OGG1: variants seen among roughly 807,000 people sequenced by gnomAD.
OGG1 encodes N-glycosylase/DNA lyase.
OGG1 carries 35 observed loss-of-function variants against 42.3 expected under a neutral mutation model. The observed-to-expected ratio is 0.83, with a 90% confidence interval of 0.63 to 1.10. The LOEUF (loss-of-function observed/expected upper bound fraction) is 1.10, where lower values mean the gene tolerates loss of function less well. Ranked by LOEUF, OGG1 falls within the 50% of genes least tolerant of loss-of-function variation. The probability of loss-of-function intolerance (pLI) is 0.00; values close to 1 mark genes in which losing one functional copy is unlikely to be tolerated. For missense variants in OGG1, 484 were observed against 446.7 expected (o/e 1.08, Z -0.75); for synonymous variants, 189 against 179.0 (o/e 1.06, Z -0.44).
At position 9,786,406 on chromosome 3, in the gene OGG1, G is replaced by A. The variant is rs556205266; in HGVS notation, c.383-1322G>A. 2.6e-5 allele frequency among the ~76,000 whole-genome samples: 4 copies of A among 152,292 alleles called. No homozygotes were observed. The East Asian group carries it at 7.7e-4, about 29-fold the overall frequency. On this transcript the variant is annotated intron_variant, in intron 3 of 3. Transcript: ENST00000426518. Reference sequence around the variant, plus strand: ...AACATGTACCCAGACTGTTCCATGAGATAAACTCTTGTGTTTGAGCCAGAA... The same window carrying A: ...AACATGTACCCAGACTGTTCCATGAAATAAACTCTTGTGTTTGAGCCAGAA...
intron 2 of OGG1, among the ~76,000 whole-genome samples, chr3:9,781,274 G>A (rs894447453): frequency 6.6e-6 from 1 of 151,934 alleles, no homozygotes; most frequent in African/African-American, 2.4e-5. Context: ...GTAAGACCCT[G>A]TCTCTAAAAT....
rs2077570202 is a variant in OGG1 at position 9,756,535 on chromosome 3, T to C, written c.812T>C (p.Met271Thr). The change falls in exon 5 of 7, where the codon ATG becomes ACG. Residue 271 changes from methionine to threonine, a missense_variant. Met to Thr is a moderately conservative substitution (Grantham distance 81). Coordinates refer to ENST00000344629, the MANE Select transcript of OGG1 (RefSeq NM_002542.6). ...CAGGCTGTGCCCGTGGATGTCCATATGTGGCACATTGCCCAACGTGACTAC... is the reference window on the plus strand; with the variant it reads ...CAGGCTGTGCCCGTGGATGTCCATACGTGGCACATTGCCCAACGTGACTAC... ...KPQAVPVDVH[M>T]WHIAQRDYSW... 1 of 1,614,168 alleles carries C rather than the reference T, an allele frequency of 6.2e-7. No individual in the cohort carries two copies. Among genetic ancestry groups the C allele is most frequent in the Non-Finnish European group, 8.5e-7 (1 of 1,180,024 alleles).
downstream of OGG1, among the ~76,000 whole-genome samples, chr3:9,770,756 G>C (rs2078282945): frequency 6.6e-6 from 1 of 151,972 alleles, no homozygotes. Context: ...TTTGCTCAAG[G>C]CCTTCCTTGG....
chr3:9,753,739 C>T (rs186112820), intron 3 of OGG1, among the ~76,000 whole-genome samples: 33 of 152,308 alleles, frequency 2.2e-4, no homozygotes, highest in Admixed American at 1.6e-3. Context: ...TCACCTCTTC[C>T]GGCTTCTCTT....
downstream of OGG1, among the ~76,000 whole-genome samples, chr3:9,768,637 G>C (rs1373590686): frequency 6.6e-6 from 1 of 152,212 alleles, no homozygotes; most frequent in Non-Finnish European, 1.5e-5. Flanking sequence ...GGCCTTGGCT[G>C]GTACTTCCAA....
downstream of OGG1, among the ~76,000 whole-genome samples, chr3:9,791,045 C>T (rs2078718483): frequency 1.3e-5 from 2 of 152,166 alleles, no homozygotes; most frequent in African/African-American, 4.8e-5. Context: ...GAGTGGGGTG[C>T]CAATAAAAGC....
At chr3:9,771,160 T>C (rs1233051788), downstream of OGG1, among the ~76,000 whole-genome samples, 1 of 152,008 alleles carries the variant, frequency 6.6e-6, no homozygotes, top group African/African-American at 2.4e-5. Context: ...CCCATGTAGA[T>C]GGGACTACAG....
intron 3 of OGG1, among the ~76,000 whole-genome samples, chr3:9,754,467 G>C: frequency 6.6e-6 from 1 of 152,222 alleles, no homozygotes; most frequent in East Asian, 1.9e-4. Context: ...CCCTGGACTA[G>C]ACTTGGGCTC....
intron 4 of OGG1, 27 bp downstream of exon 4, chr3:9,754,912 C>A: frequency 6.4e-7 from 1 of 1,553,052 alleles, no homozygotes; most frequent in South Asian, 1.2e-5. Context: ...TAGGAGCTGC[C>A]CTCTCTACTG....
downstream of OGG1, chr3:9,759,314 G>C (rs1440898540): frequency 2.5e-6 from 4 of 1,585,240 alleles, no homozygotes; most frequent in Non-Finnish European, 3.5e-6. Flanking sequence ...GAATAGAGAA[G>C]GTGTTGGGAG....
rs1381983045 is a variant in OGG1, at chr3:9,757,288, A to G, written c.*138A>G. 2 of 1,614,180 alleles carry G rather than the reference A, an allele frequency of 1.2e-6. No individual in the cohort carries two copies. The highest frequency in any genetic ancestry group is 1.7e-6 in the Non-Finnish European group (2 of 1,180,028). On this transcript the variant is annotated 3_prime_UTR_variant, in exon 7 of 7. Transcript: ENST00000344629. The surrounding 1 kb of genome is among the most constrained non-coding windows in gnomAD (Gnocchi z 4.5). ...TCAAAGGCCAGGCACCCCCAAATCA[A>G]GCAGTCAGTTTGCACAACAAGATGG...
downstream of OGG1, chr3:9,760,472 G>T: frequency 1.7e-6 from 1 of 574,636 alleles, no homozygotes; most frequent in Non-Finnish European, 3.1e-6. Flanking sequence ...CTCACTCTGG[G>T]AGCCAAGCAG....
downstream of OGG1, chr3:9,761,601 A>G (rs2077876243): frequency 1.2e-6 from 2 of 1,613,656 alleles, no homozygotes; most frequent in African/African-American, 2.7e-5. Flanking sequence ...TCCCCCCACC[A>G]TCACAGCCCC....
At chr3:9,787,792 A>G in exon 4 of OGG1, 1 of 1,068,368 alleles carries the variant, frequency 9.4e-7, no homozygotes, top group South Asian at 1.3e-5. Context: ...TGGCAGCACA[A>G]AGGAGAGACT....
At chr3:9,786,738 T>C (rs2078623192) in intron 3 of OGG1, among the ~76,000 whole-genome samples, 1 of 152,212 alleles carries the variant, frequency 6.6e-6, no homozygotes. Context: ...TTCTAGGATA[T>C]AGTAATGTTT....
chr3:9,781,651 T>C (rs1559715450), intron 3 of OGG1: 1 of 436,234 alleles, frequency 2.3e-6, no homozygotes, highest in East Asian at 7.3e-5. Context: ...ATTTATACAT[T>C]TCATCGATGG....
In OGG1 at chr3:9,762,925, G is replaced by A. The variant is rs775086900; in HGVS notation, c.1049-2884G>A. The stretch of plus-strand genomic sequence containing the variant: ...CCCTTGAGCCCCACCTTGAGATCCC[G>A]GTGTACAATGCCCAGGTCATGCAGG... On this transcript the variant is annotated intron_variant, in intron 7 of 7. Transcript: ENST00000302008. 9 of 1,613,946 alleles carry A rather than the reference G, an allele frequency of 5.6e-6. No individual in the cohort carries two copies. The highest frequency in any genetic ancestry group is 4.5e-5 in the East Asian group (2 of 44,892).
intron 4 of OGG1, among the ~76,000 whole-genome samples, chr3:9,755,779 C>A (rs919099420): frequency 6.6e-6 from 1 of 151,814 alleles, no homozygotes; most frequent in East Asian, 1.9e-4. Context: ...CTTTATACTT[C>A]TCTGTAGTTT....
downstream of OGG1, chr3:9,789,964 C>G (rs2078696794): frequency 1.3e-6 from 2 of 1,583,420 alleles, no homozygotes; most frequent in East Asian, 4.5e-5. Flanking sequence ...CGGTGAGGAT[C>G]TGAAATTTAC....
Sources: gnomAD v4.1 joint callset for allele counts (sites outside exome capture counted in the v4.1 genomes callset) on GRCh38, gnomAD v4.1.1 for gene constraint, Gnocchi (gnomAD v3.1) non-coding constraint, MANE v1.5 for transcripts, NCBI Gene and HGNC (gene_info 2026-07-23, HGNC 2026-07-21) for gene names.